The following CMYA5 variants were observed in gnomAD, a reference collection of about 807,000 sequenced individuals.
The protein encoded by CMYA5 is cardiomyopathy-associated protein 5.
In CMYA5, 246 loss-of-function variants were observed where a neutral mutation model predicts 318.9. The observed-to-expected ratio is 0.77, with a 90% CI of 0.70 to 0.86. The LOEUF is 0.86. CMYA5 is among the 40% of genes least tolerant of loss of function. The pLI, the probability that CMYA5 is intolerant of heterozygous loss-of-function variation, is 0.00. For synonymous variants in CMYA5, 1,641 were observed against 1,729.5 expected (o/e 0.95, Z 1.27); for missense variants, 4,589 against 4,678.2 (o/e 0.98, Z 0.56).
chr5:79,705,037 C>T (rs1488223150), intron 1 of CMYA5, among the ~76,000 whole-genome samples: 1 of 151,624 alleles, frequency 6.6e-6, no homozygotes, highest in African/African-American at 2.4e-5. Context: ...TTTTGGGAGG[C>T]CGAGGTAGGC....
chr5:79,758,681 A>C, intron 6 of CMYA5, 72 bp from the exon 7 acceptor site: 1 of 1,278,258 alleles, frequency 7.8e-7, no homozygotes, highest in Non-Finnish European at 1.1e-6. Flanking sequence ...TTTTTCAACA[A>C]GCATAAGTAA....
In CMYA5 at chr5:79,743,704, T is replaced by C. The variant is rs577552039; in HGVS notation, c.10639-123T>C. 13 of 470,864 alleles carry C rather than the reference T, an allele frequency of 2.8e-5. No homozygotes were observed. In the South Asian group the frequency reaches 6.1e-4, roughly 22 times the overall value. The allele number at this position is 470,864 out of a possible 1,614,324, so 29.2% of individuals were successfully genotyped here. A position where few individuals can be genotyped will look rare whatever the true frequency, so the allele number is the denominator to read the frequency against. ...AAAGAAAATTTAAGGATTGATTTGT[T>C]AGTGGATATAGTATAGTAAGTCTCT... On this transcript the variant is annotated intron_variant, in intron 2 of 12. Transcript: ENST00000446378.
intron 1 of CMYA5, among the ~76,000 whole-genome samples, chr5:79,693,638 C>T (rs1827013949): frequency 1.3e-5 from 2 of 152,162 alleles, no homozygotes; most frequent in Admixed American, 6.5e-5. Flanking sequence ...CCACCGTGCC[C>T]GGTCAGCCAC....
Position 79,738,253 on chromosome 5 carries a change from G to C in CMYA5, c.9488G>C (p.Gly3163Ala), listed in dbSNP as rs769260361. The C allele has an allele frequency of 3.1e-6, 5 of 1,613,696 alleles. No homozygotes were observed. Residue 3163 changes from glycine (G) to alanine (A), a missense_variant, in exon 2 of 13, where the codon GGA becomes GCA. Around this residue, in one of 3 missense-constraint regions of CMYA5, gnomAD observed 2,431 missense variants for 2,495.1 expected, o/e 0.97. Coordinates refer to ENST00000446378, the MANE Select transcript of CMYA5 (RefSeq NM_153610.5). ...PGMPLFEAEE[G>A]VLSRTQIFPT... ...ATGCCTTTATTTGAAGCAGAGGAAGGAGTTCTATCACGAACCCAGATATTT... is the reference window on the plus strand; with the variant it reads ...ATGCCTTTATTTGAAGCAGAGGAAGCAGTTCTATCACGAACCCAGATATTT...
intron 8 of CMYA5, 160 bp downstream of exon 8, chr5:79,762,117 CAAG>C (rs1250761031): frequency 1.4e-6 from 1 of 701,994 alleles, no homozygotes; most frequent in East Asian, 2.8e-5. Context: ...GTCCTGTTCT[CAAG>C]AAGCTCATGC....
At chr5:79,726,338 T>A (rs978525869) in intron 1 of CMYA5, among the ~76,000 whole-genome samples, 3 of 152,200 alleles carry the variant, frequency 2.0e-5, no homozygotes, top group Non-Finnish European at 4.4e-5. Flanking sequence ...AATTTTTAAT[T>A]TCATCCTATT....
chr5:79,696,725 G>A (rs894717412), intron 1 of CMYA5, among the ~76,000 whole-genome samples: 1 of 152,076 alleles, frequency 6.6e-6, no homozygotes, highest in Non-Finnish European at 1.5e-5. Context: ...GTTTTTATTG[G>A]CTGGACGTGG....
Position 79,730,498 on chromosome 5 carries a change from C to T in CMYA5, c.1733C>T (p.Ser578Phe), listed in dbSNP as rs1413477326. 2 of 1,613,838 alleles carry T rather than the reference C, an allele frequency of 1.2e-6. No individual in the cohort carries two copies. Among genetic ancestry groups the T allele is most frequent in the Admixed American group, 3.3e-5 (2 of 59,998 alleles). Residue 578 changes from serine to phenylalanine, a missense_variant, in exon 2 of 13, where the codon TCT becomes TTT. Coordinates refer to ENST00000446378, the MANE Select transcript of CMYA5 (RefSeq NM_153610.5). ...TCATCTCCTGAACATGTTGCTTTGT[C>T]TGAGGAAGAAAGAGAGGAAATTGCA... Reference protein sequence around the residue: ...AASSPEHVALSEEEREEIASV... With the variant: ...AASSPEHVALFEEEREEIASV...
rs1828042518 is a variant in CMYA5 at position 79,735,616 on chromosome 5, T to G, written c.6851T>G (p.Val2284Gly). Residue 2284 changes from valine to glycine, a missense_variant, in exon 2 of 13, where the codon GTG (valine) becomes GGG (glycine). Physicochemically the swap from Val to Gly is moderately radical, Grantham distance 109 (BLOSUM62 -3). Coordinates refer to ENST00000446378, the MANE Select transcript of CMYA5 (RefSeq NM_153610.5). ...CAACAGCCAAAATTCATTTCTGAGG[T>G]GTCTAGGGAAGATTATGGAAAAAAA... Reference protein sequence around the residue: ...DLQQPKFISEVSREDYGKKEI... With the variant: ...DLQQPKFISEGSREDYGKKEI... The G allele has an allele frequency of 6.2e-7, 1 of 1,613,282 alleles. No individual in the cohort carries two copies. Among genetic ancestry groups the G allele is most frequent in the African/African-American group, 1.3e-5 (1 of 74,844 alleles).
rs202016418 is a variant in CMYA5, at chr5:79,734,168, G to A, written c.5403G>A (p.Gln1801=). The A allele has an allele frequency of 1.8e-5, 29 of 1,613,638 alleles. No homozygotes were observed. Among genetic ancestry groups the A allele is most frequent in the Non-Finnish European group, 2.2e-5 (26 of 1,179,830 alleles). The change falls in exon 2 of 13, where the codon CAG becomes CAA. Residue 1801 remains glutamine (Q), a synonymous_variant. Transcript: ENST00000446378. ...AAACAGGCCACCCAAATTCATCCCA[G>A]GTACTCCAGAGTATAACAGAACCAT... is the stretch of plus-strand genomic sequence containing the variant. ...SEETGHPNSS[Q]VLQSITEPSK... is the part of the protein sequence containing the mutation.
intron 10 of CMYA5, 149 bp from the exon 11 acceptor site, chr5:79,790,821 G>A: frequency 3.2e-6 from 2 of 615,752 alleles, no homozygotes; most frequent in Non-Finnish European, 5.8e-6. Context: ...CTTATCATGA[G>A]TGAAGTTTTC....
chr5:79,769,683 A>T (rs1424093339), intron 9 of CMYA5, among the ~76,000 whole-genome samples: 1 of 152,094 alleles, frequency 6.6e-6, no homozygotes, highest in South Asian at 2.1e-4. Context: ...GCTTCATCCC[A>T]TAGAGGCACC....
chr5:79,792,290 T>G (rs886951615), intron 11 of CMYA5, among the ~76,000 whole-genome samples: 5 of 152,178 alleles, frequency 3.3e-5, no homozygotes, highest in Non-Finnish European at 7.3e-5. Flanking sequence ...CCTGGAACAT[T>G]GCAGGGGCTA....
intron 11 of CMYA5, among the ~76,000 whole-genome samples, chr5:79,792,999 G>A (rs1245995226): frequency 1.3e-5 from 2 of 152,208 alleles, no homozygotes; most frequent in Admixed American, 1.3e-4. Flanking sequence ...AGGAGGCATA[G>A]AACTCATGGT....
At chr5:79,754,315 T>G (rs1828486506) in intron 6 of CMYA5, among the ~76,000 whole-genome samples, 1 of 152,186 alleles carries the variant, frequency 6.6e-6, no homozygotes, top group Non-Finnish European at 1.5e-5. Flanking sequence ...AGTTTTCCAA[T>G]GAGAAGTAGC....
chr5:79,738,664 G>A lies in CMYA5; in HGVS notation c.9899G>A (p.Gly3300Asp). ...CREKSLEEQK[G>D]VYGEGESVDH... The stretch of plus-strand genomic sequence containing the variant: ...GAGAAGAGTCTGGAAGAACAGAAAG[G>A]TGTTTATGGGGAAGGAGAATCAGTA... The change falls in exon 2 of 13, where the codon GGT (glycine) becomes GAT (aspartate). Residue 3300 changes from glycine to aspartate, a missense_variant. Gly to Asp is a moderately conservative substitution (Grantham distance 94). Coordinates refer to ENST00000446378, the MANE Select transcript of CMYA5 (RefSeq NM_153610.5). 1 of 1,613,952 alleles carries A rather than the reference G, an allele frequency of 6.2e-7. No individual in the cohort carries two copies. Among genetic ancestry groups the A allele is most frequent in the Non-Finnish European group, 8.5e-7 (1 of 1,179,868 alleles).
chr5:79,777,726 G>A (rs992045925), intron 9 of CMYA5, among the ~76,000 whole-genome samples: 1 of 152,096 alleles, frequency 6.6e-6, no homozygotes, highest in Non-Finnish European at 1.5e-5. Flanking sequence ...AGTGAGCCAA[G>A]GTTGTGCCAT....
Position 79,735,153 on chromosome 5 carries a change from A to G in CMYA5, c.6388A>G (p.Thr2130Ala), listed in dbSNP as rs1439646574. 6.2e-7 allele frequency: 1 copy of G among 1,613,608 alleles called. No homozygotes were observed. Among genetic ancestry groups the G allele is most frequent in the East Asian group, 2.2e-5 (1 of 44,882 alleles). Residue 2130 changes from threonine (T) to alanine (A), a missense_variant, in exon 2 of 13, where the codon ACA becomes GCA. By Grantham distance (58) the Thr-to-Ala change is moderately conservative (BLOSUM62 0). This residue lies in a region of CMYA5 where 2,431 missense variants were observed against 2,495.1 expected (regional missense o/e 0.97). Coordinates refer to ENST00000446378, the MANE Select transcript of CMYA5 (RefSeq NM_153610.5). ...ACCATCACCTGAAGTAAAAATACCCACACAAAGAAAACCCATCTCCTCAAT... is the reference window on the plus strand; with the variant it reads ...ACCATCACCTGAAGTAAAAATACCCGCACAAAGAAAACCCATCTCCTCAAT... ...KKPSPEVKIP[T>A]QRKPISSIHA...
intron 9 of CMYA5, among the ~76,000 whole-genome samples, chr5:79,787,686 C>T (rs893507115): frequency 6.6e-5 from 10 of 152,202 alleles, no homozygotes; most frequent in African/African-American, 2.4e-4. Flanking sequence ...CACTAAACAG[C>T]AGTTACACAA....
Sources: allele counts gnomAD v4.1 joint callset (sites outside exome capture counted in the v4.1 genomes callset), GRCh38; gene constraint gnomAD v4.1.1; regional missense constraint gnomAD v4.1.1; transcripts MANE v1.5; gene names NCBI Gene and HGNC (gene_info 2026-07-23, HGNC 2026-07-21).